JPH1: variants seen among roughly 807,000 people sequenced by gnomAD.
JPH1 encodes the protein junctophilin 1.
JPH1 carries 12 observed loss-of-function variants against 53.6 expected under a neutral mutation model. The ratio of observed to expected loss-of-function variants is 0.22; its 90% CI spans 0.14 to 0.36. The LOEUF is 0.36. Among genes scored for constraint, JPH1 ranks in the 10% least tolerant of loss-of-function variants. JPH1 has a pLI of 1.00. For missense variants in JPH1, 808 were observed against 905.5 expected, an observed-to-expected ratio of 0.89 and a Z score of 1.38; for synonymous variants, 375 against 363.8, an observed-to-expected ratio of 1.03 and a Z score of -0.35.
intron 2 of JPH1, among the ~76,000 whole-genome samples, chr8:74,265,474 T>C (rs906282347): frequency 2.0e-5 from 3 of 152,230 alleles, no homozygotes; most frequent in African/African-American, 7.2e-5. Flanking sequence ...TTGGTTATTC[T>C]ACTTCATTGT....
At chr8:74,265,239 G>A (rs956661261) in intron 2 of JPH1, among the ~76,000 whole-genome samples, 3 of 152,070 alleles carry the variant, frequency 2.0e-5, no homozygotes, top group African/African-American at 7.2e-5. Context: ...TAATAATTTG[G>A]GAATAGCGGT....
chr8:74,259,089 T>C (rs1468373158), intron 3 of JPH1, among the ~76,000 whole-genome samples: 1 of 152,198 alleles, frequency 6.6e-6, no homozygotes, highest in Non-Finnish European at 1.5e-5. Flanking sequence ...AGGCTATGTG[T>C]ATAAGGTATC....
chr8:74,310,835 G>T (rs1016411576), intron 2 of JPH1, among the ~76,000 whole-genome samples: 1 of 152,152 alleles, frequency 6.6e-6, no homozygotes, highest in Non-Finnish European at 1.5e-5. Flanking sequence ...CCATTTCCCA[G>T]GGACTTAAAT....
chr8:74,297,421 A>T (rs142228227), intron 2 of JPH1, among the ~76,000 whole-genome samples: 1 of 152,338 alleles, frequency 6.6e-6, no homozygotes, highest in East Asian at 1.9e-4. Flanking sequence ...AGATGGTACC[A>T]CAGAACATAA....
At chr8:74,287,669 C>CTT (rs770530034) in intron 2 of JPH1, among the ~76,000 whole-genome samples, 4 of 136,908 alleles carry the variant, frequency 2.9e-5, no homozygotes. Flanking sequence ...AGTCTAGTTT[C>CTT]TTTTTTTTTT....
chr8:74,242,989 A>T (rs1011810088), intron 4 of JPH1, among the ~76,000 whole-genome samples: 1 of 152,208 alleles, frequency 6.6e-6, no homozygotes, highest in African/African-American at 2.4e-5. Context: ...CCCCTATCAC[A>T]GCCTAATGTA....
At chr8:74,260,391 G>A (rs887440600) in intron 2 of JPH1, among the ~76,000 whole-genome samples, 1 of 152,156 alleles carries the variant, frequency 6.6e-6, no homozygotes, top group Admixed American at 6.5e-5. Context: ...GCCCCAGAGA[G>A]GGTTGGAGGG....
chr8:74,276,234 A>C (rs1806843786), intron 2 of JPH1, among the ~76,000 whole-genome samples: 1 of 152,142 alleles, frequency 6.6e-6, no homozygotes, highest in Non-Finnish European at 1.5e-5. Flanking sequence ...TTTTAGGTAA[A>C]AGAGTCGTGA....
chr8:74,246,972 C>A (rs1234517019), intron 3 of JPH1, among the ~76,000 whole-genome samples: 2 of 152,130 alleles, frequency 1.3e-5, no homozygotes, highest in African/African-American at 2.4e-5. Context: ...ATTCAAAAGG[C>A]GATGTCCTTC....
rs1279707905 is a variant in JPH1 at position 74,243,045 on chromosome 8, A to G, written c.1905+1484T>C. On this transcript the variant is annotated intron_variant, in intron 4 of 5. Coordinates refer to ENST00000342232, the MANE Select transcript of JPH1 (RefSeq NM_020647.4). ...TTCCCCTTGTAGAAGTCTAGAAGTC[A>G]ACTAAAGCCCACAAATGGGTACCCA... 3.3e-5 allele frequency among the ~76,000 whole-genome samples: 5 copies of G among 152,228 alleles called. No homozygotes were observed. The East Asian group carries it at 9.6e-4, about 29-fold the overall frequency.
intron 3 of JPH1, among the ~76,000 whole-genome samples, chr8:74,258,108 C>T (rs371129475): frequency 6.6e-5 from 10 of 152,084 alleles, no homozygotes; most frequent in Non-Finnish European, 1.5e-4. Context: ...CTGTGGGTTC[C>T]GACAGCGTAT....
chr8:74,255,489 G>A (rs1472661704), intron 3 of JPH1, among the ~76,000 whole-genome samples: 12 of 152,122 alleles, frequency 7.9e-5, no homozygotes, highest in Non-Finnish European at 1.6e-4. Flanking sequence ...GCATAGGCAA[G>A]GACTTCATGT....
At chr8:74,307,041 G>A (rs1807857764) in intron 2 of JPH1, among the ~76,000 whole-genome samples, 1 of 152,036 alleles carries the variant, frequency 6.6e-6, no homozygotes, top group African/African-American at 2.4e-5. Context: ...CACAGATCTG[G>A]TGCTGGAAAT....
At position 74,292,426 on chromosome 8, in the gene JPH1, T is replaced by C. The variant is rs368332692; in HGVS notation, c.1139+22435A>G. Among the ~76,000 whole-genome samples the C allele has an allele frequency of 3.5e-4, 54 of 152,304 alleles. No individual in the cohort carries two copies. The South Asian group carries it at 6.0e-3, about 17-fold the overall frequency. On this transcript the variant is annotated intron_variant, in intron 2 of 5. Transcript: ENST00000342232. ...TAGGTCTTCCATGAACTGCCACTAA[T>C]ACACACTGCGGAGGGGTCTGTGGTC...
At chr8:74,298,088 A>C (rs1207049344) in intron 2 of JPH1, among the ~76,000 whole-genome samples, 1 of 152,108 alleles carries the variant, frequency 6.6e-6, no homozygotes, top group Non-Finnish European at 1.5e-5. Context: ...GCCAGTGCCA[A>C]TCTCCAATTT....
At position 74,244,574 on chromosome 8, in the gene JPH1, T is replaced by A. The variant is rs1184623267; in HGVS notation, c.1860A>T (p.Pro620=). The part of the protein sequence containing the change: ...KKSELAIPKN[P]ASNDSCPALE... The stretch of plus-strand genomic sequence containing the variant: ...AAGCAGGGCATGAATCGTTGCTTGC[T>A]GGATTCTTTGGTATAGCAAGTTCAG... The change falls in exon 4 of 6, where the codon CCA becomes CCT. Residue 620 remains proline, a synonymous_variant. Coordinates refer to ENST00000342232, the MANE Select transcript of JPH1 (RefSeq NM_020647.4). The A allele has an allele frequency of 1.2e-6, 2 of 1,613,404 alleles. No homozygotes were observed. Among genetic ancestry groups the A allele is most frequent in the Non-Finnish European group, 1.7e-6 (2 of 1,179,808 alleles).
At chr8:74,250,859 G>A (rs1806026833) in intron 3 of JPH1, among the ~76,000 whole-genome samples, 1 of 152,088 alleles carries the variant, frequency 6.6e-6, no homozygotes, top group South Asian at 2.1e-4. Context: ...ATCCTAGAAG[G>A]CCAATTTACT....
In JPH1 at chr8:74,315,043, G is replaced by C. The variant is rs58313860; in HGVS notation, c.957C>G (p.Thr319=). The C allele has an allele frequency of 1.9e-6, 3 of 1,614,146 alleles. No homozygotes were observed. The East Asian group carries it at 6.7e-5, about 36-fold the overall frequency. The change falls in exon 2 of 6, where the codon ACC becomes ACG. Residue 319 remains threonine, a synonymous_variant. Transcript: ENST00000342232. The surrounding 1 kb of genome is among the most constrained non-coding windows in gnomAD (Gnocchi z 6.3). ...ANNKRHGYGC[T]VFPDGSKEEG... The stretch of plus-strand genomic sequence containing the variant: ...CTTCTTTGGAGCCGTCAGGAAACAC[G>C]GTACAGCCATATCCATGCCTCTTGT...
intron 2 of JPH1, among the ~76,000 whole-genome samples, chr8:74,292,436 G>A (rs1318916907): frequency 2.0e-5 from 3 of 152,146 alleles, no homozygotes; most frequent in Non-Finnish European, 2.9e-5. Context: ...TACACACTGC[G>A]GAGGGGTCTG....
Sources: gnomAD v4.1 joint callset for allele counts (sites outside exome capture counted in the v4.1 genomes callset) on GRCh38, gnomAD v4.1.1 for gene constraint, Gnocchi (gnomAD v3.1) non-coding constraint, MANE v1.5 for transcripts, NCBI Gene and HGNC (gene_info 2026-07-23, HGNC 2026-07-21) for gene names.